COMMD8: variants seen among roughly 807,000 people sequenced by gnomAD.
COMMD8 encodes COMM domain containing 8.
In COMMD8, 28 loss-of-function variants were observed where a neutral mutation model predicts 27.2. That is an observed-to-expected ratio of 1.03 (90% CI 0.76 to 1.41). The LOEUF is 1.41. COMMD8 is among the 40% of genes most tolerant of loss of function. The pLI, the probability that COMMD8 is intolerant of heterozygous loss-of-function variation, is 0.00. For missense variants in COMMD8, 217 were observed against 211.2 expected (o/e 1.03, Z -0.17); for synonymous variants, 79 against 75.5 (o/e 1.05, Z -0.24).
chr4:47,462,986 C>T (rs11944531), intron 1 of COMMD8, among the ~76,000 whole-genome samples: 76,033 of 151,992 alleles, frequency 0.5, 21,451 homozygotes, highest in East Asian at 0.77. Context: ...TACCTCATCC[C>T]ATCGGGGCGC....
chr4:47,460,281 C>A lies in COMMD8; in HGVS notation c.85G>T (p.Asp29Tyr). 1.9e-6 allele frequency: 3 copies of A among 1,608,508 alleles called. No homozygotes were observed. The highest frequency in any genetic ancestry group is 1.1e-5 in the South Asian group (1 of 89,696). The change falls in exon 2 of 5, where the codon GAT becomes TAT. Residue 29 changes from aspartate (D) to tyrosine (Y), a missense_variant. Asp to Tyr is a radical substitution (Grantham distance 160). Coordinates refer to ENST00000381571, the MANE Select transcript of COMMD8 (RefSeq NM_017845.5). ...GGATAAGCTCGACCACAAATGCCAT[C>A]AATTATTTTGTGAAGAAGCTAGCAA... The part of the protein sequence containing the change: ...LGPQLLHKII[D>Y]GICGRAYPVY...
At chr4:47,456,879 C>T in intron 2 of COMMD8, 150 bp from the exon 3 acceptor site, 1 of 586,070 alleles carries the variant, frequency 1.7e-6, no homozygotes, top group Non-Finnish European at 2.7e-6. Flanking sequence ...GAATGAATAA[C>T]CAGAAAATAG....
At chr4:47,455,528 A>C (rs1226027448) in intron 3 of COMMD8, among the ~76,000 whole-genome samples, 1 of 152,156 alleles carries the variant, frequency 6.6e-6, no homozygotes, top group Non-Finnish European at 1.5e-5. Context: ...TCACCTTCAG[A>C]TCTGATAAGC....
chr4:47,458,961 T>C (rs188122470), intron 2 of COMMD8, among the ~76,000 whole-genome samples: 3 of 152,136 alleles, frequency 2.0e-5, no homozygotes, highest in African/African-American at 7.2e-5. Context: ...GATATTAATG[T>C]AGAAAATTGT....
chr4:47,454,438 T>C (rs993595938), intron 3 of COMMD8, among the ~76,000 whole-genome samples: 2 of 152,212 alleles, frequency 1.3e-5, no homozygotes, highest in African/African-American at 2.4e-5. Flanking sequence ...TTTAAGTTCC[T>C]GGTCATTCTT....
At position 47,463,670 on chromosome 4, in the gene COMMD8, C is replaced by A; in HGVS notation, c.-19G>T. 6.5e-7 allele frequency: 1 copy of A among 1,545,086 alleles called. No homozygotes were observed. ...GCTCCATCCCTGCGCGAAGCTGGGG[C>A]TTGGGTCACGTGTCAAGGCTGGCCG... is the stretch of plus-strand genomic sequence containing the variant. On this transcript the variant is annotated 5_prime_UTR_variant, in exon 1 of 5. Transcript: ENST00000381571.
Position 47,454,916 on chromosome 4 carries a change from G to A in COMMD8, c.375+1661C>T, listed in dbSNP as rs547322146. 6.1e-4 allele frequency among the ~76,000 whole-genome samples: 91 copies of A among 149,672 alleles called. 2 individuals are homozygous for A. In the East Asian group the frequency reaches 0.015, roughly 25 times the overall value. On this transcript the variant is annotated intron_variant, in intron 3 of 4. Coordinates refer to ENST00000381571, the MANE Select transcript of COMMD8 (RefSeq NM_017845.5). Reference sequence around the variant, plus strand: ...AACTACGTTTCTACCAACAAAATACGGGCCTGAATCAACACGAATGAAGCT... The same window carrying A: ...AACTACGTTTCTACCAACAAAATACAGGCCTGAATCAACACGAATGAAGCT...
chr4:47,460,052 G>C, intron 2 of COMMD8, 92 bp downstream of exon 2: 1 of 965,208 alleles, frequency 1.0e-6, no homozygotes, highest in Non-Finnish European at 1.5e-6. Flanking sequence ...TGTTACTGAT[G>C]ATAGCCCTTG....
chr4:47,454,749 C>CA (rs1401401777), intron 3 of COMMD8, among the ~76,000 whole-genome samples: 1 of 150,982 alleles, frequency 6.6e-6, no homozygotes, highest in African/African-American at 2.4e-5. Flanking sequence ...CCTGTAATCC[C>CA]AGCTACTCAG....
Position 47,451,249 on chromosome 4 carries a change from CATAAT to C in COMMD8, c.*391_*395del. The C allele has an allele frequency of 5.1e-6, 1 of 195,936 alleles. No homozygotes were observed. Among genetic ancestry groups the C allele is most frequent in the South Asian group, 8.6e-5 (1 of 11,578 alleles). 12.1% of individuals were successfully genotyped at this position (195,936 alleles called of 1,614,324 possible). A position where few individuals can be genotyped will look rare whatever the true frequency, so the allele number is the denominator to read the frequency against. On this transcript the variant is annotated 3_prime_UTR_variant, in exon 5 of 5. Coordinates refer to ENST00000381571, the MANE Select transcript of COMMD8 (RefSeq NM_017845.5). ...TTAAAAATATCACAAAGTATATATC[CATAAT>C]ATATGTTGCTATTCACACAATTCTT...
intron 4 of COMMD8, among the ~76,000 whole-genome samples, chr4:47,452,265 T>C (rs938219145): frequency 6.6e-6 from 1 of 152,230 alleles, no homozygotes; most frequent in African/African-American, 2.4e-5. Flanking sequence ...TTTTGGACAT[T>C]CATTAGTTCT....
chr4:47,462,295 G>T (rs1478726988), intron 1 of COMMD8, among the ~76,000 whole-genome samples: 1 of 152,130 alleles, frequency 6.6e-6, no homozygotes, highest in African/African-American at 2.4e-5. Context: ...ACTCAAAATG[G>T]AGGCAGTAAA....
chr4:47,460,947 G>A (rs773101278), intron 1 of COMMD8, among the ~76,000 whole-genome samples: 2 of 152,062 alleles, frequency 1.3e-5, no homozygotes, highest in East Asian at 1.9e-4. Flanking sequence ...TTAAGACTAC[G>A]GATTTTGGAA....
chr4:47,463,459 C>T, intron 1 of COMMD8, 127 bp downstream of exon 1: 1 of 883,978 alleles, frequency 1.1e-6, no homozygotes, highest in Non-Finnish European at 1.7e-6. Flanking sequence ...CACCCGAAAT[C>T]ACGCCCCTTC....
At chr4:47,462,220 TG>T (rs1730043811) in intron 1 of COMMD8, among the ~76,000 whole-genome samples, 1 of 152,130 alleles carries the variant, frequency 6.6e-6, no homozygotes, top group Non-Finnish European at 1.5e-5. Flanking sequence ...AGAGAGAGGG[TG>T]AGCCCAGATG....
At chr4:47,455,362 T>A (rs1174852469) in intron 3 of COMMD8, among the ~76,000 whole-genome samples, 16 of 152,076 alleles carry the variant, frequency 1.1e-4, no homozygotes. Flanking sequence ...GAAATTGAAA[T>A]TAAATTTATA....
At chr4:47,462,956 G>C (rs1730099411) in intron 1 of COMMD8, among the ~76,000 whole-genome samples, 1 of 152,178 alleles carries the variant, frequency 6.6e-6, no homozygotes, top group African/African-American at 2.4e-5. Context: ...CAGGGCACAG[G>C]CTGTGTCTCA....
intron 1 of COMMD8, among the ~76,000 whole-genome samples, chr4:47,460,872 C>A (rs1730005705): frequency 6.6e-6 from 1 of 152,154 alleles, no homozygotes; most frequent in Admixed American, 6.6e-5. Flanking sequence ...ACTTTCCTTT[C>A]TATCCTATTA....
intron 4 of COMMD8, 64 bp downstream of exon 4, chr4:47,452,995 G>C (rs115182251): frequency 2.8e-6 from 4 of 1,436,652 alleles, no homozygotes; most frequent in Admixed American, 2.2e-5. Context: ...AGACTCCAAC[G>C]CAAACAAAAA....
Sources: gnomAD v4.1 joint callset for allele counts (sites outside exome capture counted in the v4.1 genomes callset) on GRCh38, gnomAD v4.1.1 for gene constraint, MANE v1.5 for transcripts, NCBI Gene and HGNC (gene_info 2026-07-23, HGNC 2026-07-21) for gene names.